Variants in ACACA observed in about 807,000 individuals in gnomAD.
The protein encoded by ACACA is acetyl-CoA carboxylase alpha.
In ACACA, 103 loss-of-function variants were observed where a neutral mutation model predicts 296.1. That is an observed-to-expected ratio of 0.35 (90% CI 0.30 to 0.41). The LOEUF (loss-of-function observed/expected upper bound fraction) is 0.41, where lower values mean the gene tolerates loss of function less well. ACACA is among the 10% of genes least tolerant of loss of function. The pLI is 1.00. For synonymous variants in ACACA, 953 were observed against 1,038.6 expected (o/e 0.92, Z 1.58); for missense variants, 1,554 against 2,989.7 (o/e 0.52, Z 11.20).
rs1006545190 is a variant in ACACA, at chr17:37,125,781, C to T, written c.5958G>A (p.Gln1986=). ...AGRPHPTQKG[Q]WLSGFFDYGS... ...CATAGTCAAAAAAGCCACTCAACCA[C>T]TGACCTTTTTGGGCTACAGAAGGGA... The change falls in exon 48 of 56, where the codon CAG becomes CAA. Residue 1986 remains glutamine, a synonymous_variant. Coordinates refer to ENST00000616317, the MANE Select transcript of ACACA (RefSeq NM_198834.3). 1.9e-6 allele frequency: 3 copies of T among 1,613,734 alleles called. No individual in the cohort carries two copies. Among genetic ancestry groups the T allele is most frequent in the African/African-American group, 2.7e-5 (2 of 74,932 alleles).
intron 3 of ACACA, among the ~76,000 whole-genome samples, chr17:37,306,187 C>T (rs895071146): frequency 6.6e-6 from 1 of 152,076 alleles, no homozygotes; most frequent in Non-Finnish European, 1.5e-5. Flanking sequence ...GGATTACAGG[C>T]GTGAGCCACT....
intron 2 of ACACA, 113 bp from the exon 3 acceptor site, chr17:37,330,538 T>C: frequency 1.5e-6 from 2 of 1,348,684 alleles, no homozygotes; most frequent in East Asian, 2.3e-5. Flanking sequence ...GCAAGGCAAT[T>C]TGAGAACTAA....
chr17:37,112,995 G>A (rs1409803663), intron 51 of ACACA, 93 bp downstream of exon 51: 21 of 1,440,800 alleles, frequency 1.5e-5, no homozygotes, highest in Middle Eastern at 2.4e-4. Context: ...GGATGTGGGT[G>A]CTGTAGTGCC....
intron 3 of ACACA, among the ~76,000 whole-genome samples, chr17:37,291,791 A>G (rs1567952166): frequency 6.6e-6 from 1 of 152,198 alleles, no homozygotes; most frequent in Non-Finnish European, 1.5e-5. Flanking sequence ...TAAATAAATG[A>G]CTGATACGAT....
intron 2 of ACACA, 83 bp downstream of exon 2, chr17:37,339,720 AC>A: frequency 2.3e-6 from 2 of 888,626 alleles, no homozygotes; most frequent in Non-Finnish European, 3.6e-6. Flanking sequence ...TCAACTTTTA[AC>A]ACAAAAGCCT....
At chr17:37,142,910 G>A (rs1449517527) in intron 45 of ACACA, among the ~76,000 whole-genome samples, 1 of 152,190 alleles carries the variant, frequency 6.6e-6, no homozygotes, top group Non-Finnish European at 1.5e-5. Context: ...AGAAAGTATA[G>A]AGAATAATGT....
chr17:37,206,733 A>C (rs1184666877), intron 32 of ACACA, 50 bp downstream of exon 32: 5 of 1,386,588 alleles, frequency 3.6e-6, no homozygotes, highest in Non-Finnish European at 5.1e-6. Context: ...ATACAGTAGA[A>C]GTCCCATGTC....
At chr17:37,277,764 T>C (rs1239380744) in intron 6 of ACACA, 132 bp downstream of exon 6, 9 of 703,220 alleles carry the variant, frequency 1.3e-5, no homozygotes, top group Non-Finnish European at 2.3e-5. Context: ...TTTGGTTTAG[T>C]TATCCCATAC....
intron 42 of ACACA, among the ~76,000 whole-genome samples, chr17:37,159,169 C>A (rs1001776165): frequency 1.3e-5 from 2 of 151,448 alleles, no homozygotes; most frequent in Admixed American, 6.6e-5. Context: ...CAGAGCTAGA[C>A]CCTGTCTCTT....
intron 45 of ACACA, among the ~76,000 whole-genome samples, chr17:37,142,606 T>C (rs1363859607): frequency 6.6e-6 from 1 of 152,228 alleles, no homozygotes; most frequent in Non-Finnish European, 1.5e-5. Context: ...ACAGGGACTG[T>C]CTATTGTGAA....
intron 3 of ACACA, among the ~76,000 whole-genome samples, chr17:37,316,085 G>A (rs549659015): frequency 2.6e-5 from 4 of 152,168 alleles, no homozygotes; most frequent in Middle Eastern, 3.4e-3. Flanking sequence ...TGTGTGCCAG[G>A]AACCAAGGAT....
intron 34 of ACACA, 74 bp downstream of exon 34, chr17:37,200,353 T>C: frequency 6.8e-7 from 1 of 1,471,372 alleles, no homozygotes; most frequent in Non-Finnish European, 9.5e-7. Flanking sequence ...AAGTATAAGA[T>C]TACAATCCCA....
intron 39 of ACACA, among the ~76,000 whole-genome samples, chr17:37,182,905 C>CA (rs2077378989): frequency 6.6e-6 from 1 of 152,188 alleles, no homozygotes; most frequent in African/African-American, 2.4e-5. Flanking sequence ...AAACATGTCT[C>CA]AGGCTGTTTT....
At chr17:37,214,345 T>A (rs2078891211) in intron 29 of ACACA, among the ~76,000 whole-genome samples, 1 of 152,168 alleles carries the variant, frequency 6.6e-6, no homozygotes. Flanking sequence ...GAGCTTTAGT[T>A]TACAATAAAA....
chr17:37,117,729 T>TTTTA (rs1248997358), intron 50 of ACACA, among the ~76,000 whole-genome samples: 3 of 152,166 alleles, frequency 2.0e-5, no homozygotes, highest in Non-Finnish European at 4.4e-5. Context: ...CTTGACATGC[T>TTTTA]TTTATTTATT....
chr17:37,150,198 T>A (rs1260713830), intron 44 of ACACA, among the ~76,000 whole-genome samples: 1 of 152,186 alleles, frequency 6.6e-6, no homozygotes, highest in Non-Finnish European at 1.5e-5. Flanking sequence ...CCTATCATCC[T>A]AGCACTTTGG....
intron 1 of ACACA, among the ~76,000 whole-genome samples, chr17:37,349,379 A>AT (rs1491153830): frequency 7.4e-6 from 1 of 134,592 alleles, no homozygotes; most frequent in Non-Finnish European, 1.6e-5. Context: ...ATATTCTTAC[A>AT]TATATATATA....
At chr17:37,349,537 G>C (rs1007524260) in intron 1 of ACACA, among the ~76,000 whole-genome samples, 2 of 143,422 alleles carry the variant, frequency 1.4e-5, no homozygotes, top group Non-Finnish European at 3.0e-5. Context: ...GTGTGCGCGC[G>C]TGTGTGTGTG....
At chr17:37,280,898 T>C (rs1567934383) in intron 5 of ACACA, among the ~76,000 whole-genome samples, 1 of 152,284 alleles carries the variant, frequency 6.6e-6, no homozygotes, top group East Asian at 1.9e-4. Context: ...TCACATCTTG[T>C]AGCCATCCGT....
Sources: gnomAD v4.1 joint callset for allele counts (sites outside exome capture counted in the v4.1 genomes callset) on GRCh38, gnomAD v4.1.1 for gene constraint, MANE v1.5 for transcripts, NCBI Gene and HGNC (gene_info 2026-07-23, HGNC 2026-07-21) for gene names.